Variants in RIPOR3 observed in about 807,000 individuals in gnomAD.
The protein encoded by RIPOR3 is family with sequence similarity 65 member C.
Under a neutral mutation model 114.3 loss-of-function variants are expected in RIPOR3, and 95 were observed. That is an observed-to-expected ratio of 0.83 (90% CI 0.70 to 0.99). The LOEUF (loss-of-function observed/expected upper bound fraction) is 0.99. Among genes scored for constraint, RIPOR3 ranks in the 50% least tolerant of loss-of-function variants. The pLI, the probability that RIPOR3 is intolerant of heterozygous loss-of-function variation, is 0.00. For missense variants in RIPOR3, 1,252 were observed against 1,266.9 expected, an observed-to-expected ratio of 0.99 and a Z score of 0.18; for synonymous variants, 575 against 543.8, an observed-to-expected ratio of 1.06 and a Z score of -0.80.
intron 2 of RIPOR3, among the ~76,000 whole-genome samples, chr20:50,622,828 C>T (rs778081613): frequency 2.0e-5 from 3 of 152,170 alleles, no homozygotes; most frequent in African/African-American, 7.2e-5. Context: ...AATGGGACCA[C>T]GTAATACATC....
chr20:50,605,382 C>T (rs1444144192), intron 11 of RIPOR3, among the ~76,000 whole-genome samples: 1 of 152,148 alleles, frequency 6.6e-6, no homozygotes, highest in Admixed American at 6.6e-5. Context: ...CGAGACGGAA[C>T]TGAATTCACA....
rs770930097 is a variant in RIPOR3, at chr20:50,586,991, G to A, written c.*241C>T. The stretch of plus-strand genomic sequence containing the variant: ...ACAGACCCTCAGCCAGAAGTTGAGC[G>A]CTCTGTTGAGGCCGTGCAGCCCCTG... On this transcript the variant is annotated 3_prime_UTR_variant, in exon 22 of 22. Transcript: ENST00000327979. 1.6e-4 allele frequency: 76 copies of A among 482,690 alleles called. No individual in the cohort carries two copies. The highest frequency in any genetic ancestry group is 2.3e-4 in the Admixed American group (7 of 30,190). The allele number at this position is 482,690 out of a possible 1,614,324, so 29.9% of individuals were successfully genotyped here.
chr20:50,640,467 G>T (rs1303841995), intron 1 of RIPOR3, among the ~76,000 whole-genome samples: 4 of 149,200 alleles, frequency 2.7e-5, no homozygotes, highest in African/African-American at 9.9e-5. Context: ...AACAAAAGAC[G>T]CCTGAGCTTG....
chr20:50,662,875 A>G (rs1276294744), intron 1 of RIPOR3, among the ~76,000 whole-genome samples: 1 of 152,182 alleles, frequency 6.6e-6, no homozygotes, highest in African/African-American at 2.4e-5. Flanking sequence ...CGGGTGGGTC[A>G]CTTGAGGTCA....
chr20:50,600,823 A>T (rs2083467737), intron 13 of RIPOR3, among the ~76,000 whole-genome samples: 1 of 152,216 alleles, frequency 6.6e-6, no homozygotes, highest in Admixed American at 6.5e-5. Flanking sequence ...TTTTCTGGAA[A>T]TTTTCAGGCA....
rs200061776 is a variant in RIPOR3 at position 50,608,488 on chromosome 20, G to T, written c.857C>A (p.Thr286Lys). ...GLGSLAVGAV[T>K]CDIADFFTTR... ...CGTGAAGAAGTCGGCGATGTCACAC[G>T]TCACTGCACCCACAGCCAGCGAGCC... The change falls in exon 11 of 22, where the codon ACG (threonine) becomes AAG (lysine). Residue 286 changes from threonine to lysine, a missense_variant. By Grantham distance (78) the Thr-to-Lys change is moderately conservative. Transcript: ENST00000327979. The T allele has an allele frequency of 6.2e-7, 1 of 1,613,832 alleles. No homozygotes were observed. Among genetic ancestry groups the T allele is most frequent in the Non-Finnish European group, 8.5e-7 (1 of 1,179,944 alleles).
At chr20:50,627,313 C>T (rs6020645) in intron 2 of RIPOR3, among the ~76,000 whole-genome samples, 1,694 of 145,498 alleles carry the variant, frequency 0.012, 38 homozygotes, top group African/African-American at 0.04. Context: ...CCAGCCTGAC[C>T]AATATGGTGA....
chr20:50,642,012 C>T (rs2085215393), intron 1 of RIPOR3, among the ~76,000 whole-genome samples: 2 of 152,184 alleles, frequency 1.3e-5, no homozygotes. Context: ...CACCCACCCC[C>T]TTCTGCTTCC....
At chr20:50,592,255 C>T (rs1012609768) in intron 19 of RIPOR3, 89 bp downstream of exon 19, 3 of 1,355,420 alleles carry the variant, frequency 2.2e-6, no homozygotes, top group Non-Finnish European at 3.0e-6. Flanking sequence ...CCCTGGCACT[C>T]ACTTCTTTGT....
At chr20:50,613,375 C>T (rs1486023941) in intron 4 of RIPOR3, among the ~76,000 whole-genome samples, 3 of 151,988 alleles carry the variant, frequency 2.0e-5, no homozygotes, top group Non-Finnish European at 2.9e-5. Context: ...ATCACTTGAA[C>T]CTGGGAGGCA....
At chr20:50,673,188 T>C (rs1040630439) in intron 1 of RIPOR3, among the ~76,000 whole-genome samples, 4 of 152,154 alleles carry the variant, frequency 2.6e-5, no homozygotes, top group Admixed American at 6.5e-5. Context: ...CTTCTCTAGA[T>C]ACCATCACCA....
chr20:50,691,233 C>A lies in RIPOR3; in HGVS notation c.-105G>T. 7.8e-7 allele frequency: 1 copy of A among 1,279,064 alleles called. No individual in the cohort carries two copies. Among genetic ancestry groups the A allele is most frequent in the Non-Finnish European group, 1.0e-6 (1 of 979,820 alleles). 79.2% of individuals were successfully genotyped at this position (1,279,064 alleles called of 1,614,324 possible). On this transcript the variant is annotated 5_prime_UTR_variant, in exon 1 of 22. Transcript: ENST00000327979. ...GTCTGCTCCCATCTGGCCCGGGACT[C>A]CCGGACTCGAGCTAGGGCTCTGCAA...
At position 50,609,768 on chromosome 20, in the gene RIPOR3, G is replaced by A. The variant is rs1445533464; in HGVS notation, c.427-46C>T. On this transcript the variant is annotated intron_variant, in intron 6 of 21. Transcript: ENST00000327979. ...GGTGGCGCTGCCCACGCGGAGGGGCGGCCCCACACCTGCCTGTCGACTTCT... is the reference window on the plus strand; with the variant it reads ...GGTGGCGCTGCCCACGCGGAGGGGCAGCCCCACACCTGCCTGTCGACTTCT... 28 of 1,352,908 alleles carry A rather than the reference G, an allele frequency of 2.1e-5. No individual in the cohort carries two copies. In the South Asian group the frequency reaches 3.7e-4, roughly 18 times the overall value. 83.8% of individuals were successfully genotyped at this position (1,352,908 alleles called of 1,614,324 possible). A position where few individuals can be genotyped will look rare whatever the true frequency, so the allele number is the denominator to read the frequency against.
At chr20:50,685,894 A>T (rs2087004179) in intron 1 of RIPOR3, among the ~76,000 whole-genome samples, 2 of 151,526 alleles carry the variant, frequency 1.3e-5, no homozygotes, top group African/African-American at 4.8e-5. Context: ...TTAGGTCTTC[A>T]TGGGCTCACA....
chr20:50,633,045 C>A (rs2084869735), intron 1 of RIPOR3, among the ~76,000 whole-genome samples: 1 of 152,194 alleles, frequency 6.6e-6, no homozygotes, highest in Non-Finnish European at 1.5e-5. Flanking sequence ...AGGCAGATTG[C>A]CTGAGCTCAG....
rs529410533 is a variant in RIPOR3, at chr20:50,589,084, G to GA, written c.2661+601dup. Reference sequence around the variant, plus strand: ...GTGACAGAACAAGACTCCATCTCAAGAAAAAAAAAAAAAAAAAAAAAAAAA... The same window carrying GA: ...GTGACAGAACAAGACTCCATCTCAAGAAAAAAAAAAAAAAAAAAAAAAAAAA... On this transcript the variant is annotated intron_variant, in intron 20 of 21. Transcript: ENST00000327979. 5.7e-3 allele frequency among the ~76,000 whole-genome samples: 511 copies of GA among 89,500 alleles called. 38 individuals are homozygous for GA. Among genetic ancestry groups the GA allele is most frequent in the African/African-American group, 0.016 (353 of 21,832 alleles). The allele number at this position is 89,500 out of a possible 152,430, so 58.7% of individuals were successfully genotyped here. A position where few individuals can be genotyped will look rare whatever the true frequency, so the allele number is the denominator to read the frequency against.
chr20:50,648,687 A>G (rs897627912), intron 1 of RIPOR3, among the ~76,000 whole-genome samples: 6 of 152,046 alleles, frequency 3.9e-5, no homozygotes, highest in African/African-American at 7.2e-5. Context: ...AGATGGTCCC[A>G]TCTGGGGGTG....
chr20:50,615,854 A>C, intron 4 of RIPOR3, 148 bp downstream of exon 4: 1 of 700,174 alleles, frequency 1.4e-6, no homozygotes, highest in Non-Finnish European at 2.4e-6. Context: ...AAGTGAAGTT[A>C]ACTCAGTGCA....
At position 50,615,007 on chromosome 20, in the gene RIPOR3, A is replaced by G. The variant is rs770100276; in HGVS notation, c.348+995T>C. ...GGGAGGCAGAGGTTGCAGGGAGCCGATATCACACCATTGCACTCCAGCCTG... is the reference window on the plus strand; with the variant it reads ...GGGAGGCAGAGGTTGCAGGGAGCCGGTATCACACCATTGCACTCCAGCCTG... On this transcript the variant is annotated intron_variant, in intron 4 of 21. Coordinates refer to ENST00000327979, the MANE Select transcript of RIPOR3 (RefSeq NM_001290268.2). 3.3e-5 allele frequency among the ~76,000 whole-genome samples: 5 copies of G among 152,156 alleles called. No individual in the cohort carries two copies. The East Asian group carries it at 9.7e-4, about 29-fold the overall frequency.
Sources: allele counts gnomAD v4.1 joint callset (sites outside exome capture counted in the v4.1 genomes callset), GRCh38; gene constraint gnomAD v4.1.1; transcripts MANE v1.5; gene names NCBI Gene and HGNC (gene_info 2026-07-23, HGNC 2026-07-21).